The following EPHA6 variants were observed in gnomAD, a reference collection of about 807,000 sequenced individuals.
EPHA6 encodes the protein ephrin type-A receptor 6.
A neutral mutation model predicts 112.0 loss-of-function variants in EPHA6; 50 were observed. That is an observed-to-expected ratio of 0.45 (90% CI 0.36 to 0.56). EPHA6 has a LOEUF of 0.56. Ranked by LOEUF, EPHA6 falls within the 20% of genes least tolerant of loss-of-function variation. EPHA6 has a pLI of 0.00. For synonymous variants in EPHA6, 529 were observed against 490.7 expected, an observed-to-expected ratio of 1.08 and a Z score of -1.03; for missense variants, 1,280 against 1,417.4, an observed-to-expected ratio of 0.90 and a Z score of 1.56.
intron 5 of EPHA6, among the ~76,000 whole-genome samples, chr3:97,402,266 C>A (rs1230501278): frequency 6.6e-6 from 1 of 152,036 alleles, no homozygotes; most frequent in African/African-American, 2.4e-5. Context: ...AAGTCCCCAA[C>A]TGCTGTTGTA....
At chr3:97,248,208 A>G (rs989002939) in intron 5 of EPHA6, among the ~76,000 whole-genome samples, 1 of 152,068 alleles carries the variant, frequency 6.6e-6, no homozygotes, top group Non-Finnish European at 1.5e-5. Context: ...TATGACTTTC[A>G]TCATAAGGAA....
At chr3:97,062,967 T>C (rs1332754985) in intron 3 of EPHA6, among the ~76,000 whole-genome samples, 1 of 151,778 alleles carries the variant, frequency 6.6e-6, no homozygotes, top group Non-Finnish European at 1.5e-5. Context: ...ACATCACTGA[T>C]CATTAGGTAA....
intron 3 of EPHA6, among the ~76,000 whole-genome samples, chr3:97,139,934 A>G (rs1230991449): frequency 6.6e-6 from 1 of 152,158 alleles, no homozygotes; most frequent in African/African-American, 2.4e-5. Flanking sequence ...AAATTTCCAC[A>G]AATGTGGAAA....
chr3:97,426,914 A>G (rs2089168115), intron 6 of EPHA6, among the ~76,000 whole-genome samples: 1 of 152,196 alleles, frequency 6.6e-6, no homozygotes, highest in Non-Finnish European at 1.5e-5. Context: ...AAGAAGACAT[A>G]CACATGGCCA....
intron 14 of EPHA6, among the ~76,000 whole-genome samples, chr3:97,690,466 G>GC (rs2032584053): frequency 6.7e-6 from 1 of 148,474 alleles, no homozygotes; most frequent in Non-Finnish European, 1.5e-5. Context: ...TCTACTTTTC[G>GC]CCCTTTTTTT....
At chr3:97,335,340 G>A (rs1203882997) in intron 5 of EPHA6, among the ~76,000 whole-genome samples, 1 of 152,174 alleles carries the variant, frequency 6.6e-6, no homozygotes, top group African/African-American at 2.4e-5. Flanking sequence ...ATAAACCTGA[G>A]ATTGGACTTC....
chr3:97,686,064 A>G (rs2107693428), intron 14 of EPHA6, among the ~76,000 whole-genome samples: 1 of 152,332 alleles, frequency 6.6e-6, no homozygotes, highest in East Asian at 1.9e-4. Flanking sequence ...TTAGTGAACA[A>G]TATAGCTTAA....
At chr3:97,435,936 C>T (rs1397065629) in intron 6 of EPHA6, among the ~76,000 whole-genome samples, 1 of 152,168 alleles carries the variant, frequency 6.6e-6, no homozygotes, top group Non-Finnish European at 1.5e-5. Context: ...TAATTTTAAA[C>T]ACCTTATTAG....
intron 1 of EPHA6, among the ~76,000 whole-genome samples, chr3:96,824,900 C>T (rs1473001465): frequency 2.0e-5 from 3 of 151,728 alleles, no homozygotes; most frequent in East Asian, 1.9e-4. Flanking sequence ...CCTGCCCTCC[C>T]GCAAAGGACA....
chr3:97,350,877 A>G (rs1422033029), intron 5 of EPHA6, among the ~76,000 whole-genome samples: 1 of 152,156 alleles, frequency 6.6e-6, no homozygotes, highest in Non-Finnish European at 1.5e-5. Flanking sequence ...CTAATTAGGC[A>G]AAGTTAACAA....
intron 6 of EPHA6, among the ~76,000 whole-genome samples, chr3:97,425,664 G>A (rs1010337271): frequency 2.6e-5 from 4 of 152,174 alleles, no homozygotes; most frequent in African/African-American, 4.8e-5. Flanking sequence ...GATTAACATT[G>A]GGCTGTTCAT....
At chr3:96,930,901 A>T (rs919840420) in intron 2 of EPHA6, among the ~76,000 whole-genome samples, 1 of 145,358 alleles carries the variant, frequency 6.9e-6, no homozygotes, top group Non-Finnish European at 1.5e-5. Context: ...CCGAGACAGG[A>T]GAATCACTTG....
chr3:97,726,392 T>C (rs1402686045), intron 15 of EPHA6, among the ~76,000 whole-genome samples: 1 of 152,176 alleles, frequency 6.6e-6, no homozygotes, highest in Non-Finnish European at 1.5e-5. Flanking sequence ...TTTTATTGTT[T>C]CCTATTCGCA....
At chr3:96,881,489 G>A (rs1475883221) in intron 2 of EPHA6, among the ~76,000 whole-genome samples, 3 of 152,152 alleles carry the variant, frequency 2.0e-5, no homozygotes, top group Non-Finnish European at 4.4e-5. Context: ...CTGACTCCGT[G>A]ATTCAGTTAT....
intron 2 of EPHA6, among the ~76,000 whole-genome samples, chr3:96,983,321 T>G (rs1210160306): frequency 1.3e-5 from 2 of 152,204 alleles, no homozygotes; most frequent in African/African-American, 2.4e-5. Context: ...AAGCTTAGTT[T>G]GGCTGGATAT....
At chr3:97,229,510 T>C (rs76936010) in intron 4 of EPHA6, among the ~76,000 whole-genome samples, 3,763 of 152,212 alleles carry the variant, frequency 0.025, 74 homozygotes, top group Non-Finnish European at 0.036. Flanking sequence ...TTTGCTTTTA[T>C]TTTTATTTAT....
chr3:96,996,010 A>AT (rs1302712715), intron 3 of EPHA6, among the ~76,000 whole-genome samples: 1 of 152,158 alleles, frequency 6.6e-6, no homozygotes, highest in Non-Finnish European at 1.5e-5. Flanking sequence ...AACTTTCAAA[A>AT]TTGGAGTCAG....
chr3:97,161,438 C>T (rs545157630), intron 3 of EPHA6, among the ~76,000 whole-genome samples: 12 of 152,246 alleles, frequency 7.9e-5, no homozygotes, highest in East Asian at 1.9e-4. Flanking sequence ...AATTGTATGG[C>T]TCATAGTGGA....
intron 3 of EPHA6, among the ~76,000 whole-genome samples, chr3:97,181,617 A>G (rs529531493): frequency 2.0e-5 from 3 of 146,926 alleles, no homozygotes; most frequent in Non-Finnish European, 4.4e-5. Context: ...GTGTGTGTGT[A>G]TATATATGTA....
Sources: allele counts gnomAD v4.1 joint callset (sites outside exome capture counted in the v4.1 genomes callset), GRCh38; gene constraint gnomAD v4.1.1; transcripts MANE v1.5; gene names NCBI Gene and HGNC (gene_info 2026-07-23, HGNC 2026-07-21).